The following FHOD3 variants were observed in gnomAD, a reference collection of about 807,000 sequenced individuals.
The protein encoded by FHOD3 is formin homology 2 domain containing 3.
A neutral mutation model predicts 173.0 loss-of-function variants in FHOD3; 90 were observed. The ratio of observed to expected loss-of-function variants is 0.52; its 90% confidence interval spans 0.44 to 0.62. The LOEUF is 0.62. FHOD3 is among the 20% of genes least tolerant of loss of function. The pLI is 0.00. For synonymous variants in FHOD3, 828 were observed against 823.0 expected, an observed-to-expected ratio of 1.01 and a Z score of -0.10; for missense variants, 1,945 against 2,034.7, an observed-to-expected ratio of 0.96 and a Z score of 0.85.
Position 36,684,727 on chromosome 18 carries a change from A to C in FHOD3, c.1971-2401A>C, listed in dbSNP as rs183611598. 3.7e-4 allele frequency among the ~76,000 whole-genome samples: 57 copies of C among 152,328 alleles called. No homozygotes were observed. The East Asian group carries it at 6.0e-3, about 16-fold the overall frequency. On this transcript the variant is annotated intron_variant, in intron 15 of 28. Coordinates refer to ENST00000590592, the MANE Select transcript of FHOD3 (RefSeq NM_001281740.3). ...CAAAGCTGTAGGGACCTGCGTAATAACATCAAAATGTCTAGCATTCGTGTC... is the reference window on the plus strand; with the variant it reads ...CAAAGCTGTAGGGACCTGCGTAATACCATCAAAATGTCTAGCATTCGTGTC...
chr18:36,524,468 G>A (rs894629861), intron 5 of FHOD3, among the ~76,000 whole-genome samples: 1 of 152,156 alleles, frequency 6.6e-6, no homozygotes, highest in Non-Finnish European at 1.5e-5. Context: ...AGGACTGGAA[G>A]CCAGGAGGGC....
chr18:36,484,783 C>T (rs936728270), intron 3 of FHOD3, among the ~76,000 whole-genome samples: 5 of 152,114 alleles, frequency 3.3e-5, no homozygotes, highest in African/African-American at 7.2e-5. Context: ...GCCCTGCTGT[C>T]GGACCACAAA....
chr18:36,477,720 G>C (rs1358541172), intron 3 of FHOD3, among the ~76,000 whole-genome samples: 1 of 152,118 alleles, frequency 6.6e-6, no homozygotes. Flanking sequence ...AGACATAAAA[G>C]TACAAGTCTT....
chr18:36,358,682 T>G (rs542665094), intron 2 of FHOD3, among the ~76,000 whole-genome samples: 8 of 152,160 alleles, frequency 5.3e-5, no homozygotes, highest in Non-Finnish European at 1.2e-4. Context: ...AAATTTAAAT[T>G]TTTAATTATT....
At chr18:36,621,045 T>A in intron 9 of FHOD3, among the ~76,000 whole-genome samples, 1 of 152,224 alleles carries the variant, frequency 6.6e-6, no homozygotes, top group Admixed American at 6.5e-5. Flanking sequence ...TCCTGTAATT[T>A]AACTCCATTT....
At chr18:36,669,493 G>T (rs1009733570) in intron 14 of FHOD3, among the ~76,000 whole-genome samples, 9 of 151,360 alleles carry the variant, frequency 5.9e-5, no homozygotes, top group African/African-American at 1.9e-4. Flanking sequence ...TCTTCCTTTT[G>T]GGGGGTTGCA....
At chr18:36,550,243 C>T (rs868135712) in intron 5 of FHOD3, among the ~76,000 whole-genome samples, 10 of 120,722 alleles carry the variant, frequency 8.3e-5, no homozygotes, top group Non-Finnish European at 1.4e-4. Flanking sequence ...AGTGGTAGAC[C>T]ATATATATAT....
At chr18:36,665,332 A>C (rs2037105229) in intron 14 of FHOD3, among the ~76,000 whole-genome samples, 1 of 152,246 alleles carries the variant, frequency 6.6e-6, no homozygotes, top group Non-Finnish European at 1.5e-5. Context: ...ACAGTCCCTG[A>C]CTTCACAGGG....
At chr18:36,589,841 C>A (rs2059153580) in intron 6 of FHOD3, among the ~76,000 whole-genome samples, 1 of 152,214 alleles carries the variant, frequency 6.6e-6, no homozygotes, top group Non-Finnish European at 1.5e-5. Context: ...GCCTTGGATG[C>A]TCCATAAGAA....
At chr18:36,412,764 T>C (rs1315977719) in intron 3 of FHOD3, among the ~76,000 whole-genome samples, 2 of 152,232 alleles carry the variant, frequency 1.3e-5, no homozygotes, top group Non-Finnish European at 2.9e-5. Flanking sequence ...ATGTTAGGTA[T>C]AGAAGTCTAA....
intron 2 of FHOD3, among the ~76,000 whole-genome samples, chr18:36,369,498 C>CACACACACACACACAT (rs1555682884): frequency 1.0e-5 from 1 of 95,990 alleles, no homozygotes; most frequent in Admixed American, 1.2e-4. Flanking sequence ...CACACACACA[C>CACACACACACACACAT]ATATATATAG....
At position 36,415,612 on chromosome 18, in the gene FHOD3, T is replaced by C. The variant is rs1478367631; in HGVS notation, c.337+42868T>C. On this transcript the variant is annotated intron_variant, in intron 3 of 28. Coordinates refer to ENST00000590592, the MANE Select transcript of FHOD3 (RefSeq NM_001281740.3). ...TATTCAGGCAACTTAATTGGTTGATTATTTTAAAATTTGCCAGGCTGCAGT... is the reference window on the plus strand; with the variant it reads ...TATTCAGGCAACTTAATTGGTTGATCATTTTAAAATTTGCCAGGCTGCAGT... 4.6e-5 allele frequency among the ~76,000 whole-genome samples: 7 copies of C among 152,382 alleles called. No individual in the cohort carries two copies. The East Asian group carries it at 1.3e-3, about 29-fold the overall frequency.
At chr18:36,377,490 T>C (rs999405422) in intron 3 of FHOD3, among the ~76,000 whole-genome samples, 2 of 152,210 alleles carry the variant, frequency 1.3e-5, no homozygotes, top group African/African-American at 4.8e-5. Flanking sequence ...GTTTGGAATT[T>C]CCATAAAAAC....
At chr18:36,434,209 T>G (rs1329438134) in intron 3 of FHOD3, among the ~76,000 whole-genome samples, 1 of 152,236 alleles carries the variant, frequency 6.6e-6, no homozygotes. Context: ...ATTTAATAGT[T>G]TCAGTTTTTC....
intron 6 of FHOD3, among the ~76,000 whole-genome samples, chr18:36,578,759 C>G (rs1348901530): frequency 6.6e-6 from 1 of 152,052 alleles, no homozygotes; most frequent in Non-Finnish European, 1.5e-5. Context: ...TGATTGTGTC[C>G]TTGTGTGGTT....
At chr18:36,737,577 G>T (rs1012599870) in intron 20 of FHOD3, among the ~76,000 whole-genome samples, 1 of 152,144 alleles carries the variant, frequency 6.6e-6, no homozygotes, top group African/African-American at 2.4e-5. Flanking sequence ...TTGGAGCCCT[G>T]GTGAAGGGAA....
At chr18:36,487,970 G>A (rs777546222) in intron 3 of FHOD3, among the ~76,000 whole-genome samples, 7 of 152,204 alleles carry the variant, frequency 4.6e-5, no homozygotes, top group African/African-American at 1.4e-4. Context: ...AAGCTGTACT[G>A]AACTTGTAAA....
chr18:36,767,942 A>G (rs1325302330), intron 27 of FHOD3, among the ~76,000 whole-genome samples: 1 of 152,140 alleles, frequency 6.6e-6, no homozygotes, highest in Non-Finnish European at 1.5e-5. Flanking sequence ...GGTGGTTGTA[A>G]GCACCAAAAC....
intron 10 of FHOD3, among the ~76,000 whole-genome samples, chr18:36,644,808 C>T (rs1328742580): frequency 6.6e-6 from 1 of 152,132 alleles, no homozygotes; most frequent in African/African-American, 2.4e-5. Context: ...GGTCCAAGGT[C>T]ACAGGGCTCA....
Sources: gnomAD v4.1 joint callset for allele counts (sites outside exome capture counted in the v4.1 genomes callset) on GRCh38, gnomAD v4.1.1 for gene constraint, MANE v1.5 for transcripts, NCBI Gene and HGNC (gene_info 2026-07-23, HGNC 2026-07-21) for gene names.